The following LINGO2 variants were observed in gnomAD, a reference collection of about 807,000 sequenced individuals.
The protein encoded by LINGO2 is leucine-rich repeat and immunoglobulin-like domain-containing nogo receptor-interacting protein 2.
A neutral mutation model predicts 30.6 loss-of-function variants in LINGO2; 14 were observed. The ratio of observed to expected loss-of-function variants is 0.46; its 90% CI spans 0.30 to 0.72. LINGO2 has a LOEUF of 0.72. Ranked by LOEUF, LINGO2 falls within the 30% of genes least tolerant of loss-of-function variation. LINGO2 has a pLI of 0.07. For missense variants in LINGO2, 729 were observed against 751.7 expected (o/e 0.97, Z 0.35); for synonymous variants, 317 against 288.5 (o/e 1.10, Z -1.00).
chr9:28,254,509 G>A (rs575957260), intron 4 of LINGO2, among the ~76,000 whole-genome samples: 2 of 152,146 alleles, frequency 1.3e-5, no homozygotes, highest in South Asian at 2.1e-4. Context: ...CATATCTGGT[G>A]CAAAGAATAT....
chr9:28,553,234 A>G (rs1822411906), intron 1 of LINGO2, among the ~76,000 whole-genome samples: 1 of 152,106 alleles, frequency 6.6e-6, no homozygotes, highest in African/African-American at 2.4e-5. Context: ...AAAGACAAAG[A>G]AGTTGAAAAC....
intron 4 of LINGO2, among the ~76,000 whole-genome samples, chr9:28,077,113 A>G (rs952942864): frequency 6.6e-6 from 1 of 152,184 alleles, no homozygotes; most frequent in African/African-American, 2.4e-5. Flanking sequence ...TGACTCTAAA[A>G]CAAAAACATT....
the LINGO2 span, among the ~76,000 whole-genome samples, chr9:28,916,712 A>C: frequency 6.6e-6 from 1 of 152,214 alleles, no homozygotes; most frequent in Non-Finnish European, 1.5e-5. Context: ...CCACCTTGGG[A>C]ACATGTTCTC....
At chr9:28,047,916 T>C (rs1211062979) in intron 4 of LINGO2, among the ~76,000 whole-genome samples, 1 of 150,874 alleles carries the variant, frequency 6.6e-6, no homozygotes, top group Non-Finnish European at 1.5e-5. Flanking sequence ...ACAGATTTAG[T>C]GCAACTTCAA....
the LINGO2 span, among the ~76,000 whole-genome samples, chr9:28,740,246 C>T: frequency 6.6e-6 from 1 of 151,478 alleles, no homozygotes; most frequent in Non-Finnish European, 1.5e-5. Flanking sequence ...GAACAGTATT[C>T]TATAGATATC....
intron 1 of LINGO2, among the ~76,000 whole-genome samples, chr9:28,572,692 T>G (rs935592645): frequency 6.6e-6 from 1 of 152,104 alleles, no homozygotes; most frequent in Non-Finnish European, 1.5e-5. Context: ...GATTCATTCA[T>G]CCTTTTATGT....
At chr9:28,479,848 T>C (rs117504834) in intron 1 of LINGO2, among the ~76,000 whole-genome samples, 47 of 45,426 alleles carry the variant, frequency 1.0e-3, no homozygotes, top group African/African-American at 2.7e-3. Flanking sequence ...ATGTCATCTG[T>C]GTGTGTGTGT....
intron 1 of LINGO2, among the ~76,000 whole-genome samples, chr9:28,565,548 T>A: frequency 6.7e-6 from 1 of 150,194 alleles, no homozygotes; most frequent in Admixed American, 6.6e-5. Flanking sequence ...AGGAGAGATC[T>A]AGGCAAAAGA....
the LINGO2 span, among the ~76,000 whole-genome samples, chr9:28,828,413 A>T: frequency 6.6e-6 from 1 of 152,196 alleles, no homozygotes; most frequent in African/African-American, 2.4e-5. Flanking sequence ...AAACTGGTTT[A>T]AAAATAGTGA....
At chr9:28,847,065 A>C in the LINGO2 span, among the ~76,000 whole-genome samples, 1 of 147,996 alleles carries the variant, frequency 6.8e-6, no homozygotes, top group African/African-American at 2.5e-5. Context: ...TAGCCCCAAC[A>C]AGCTACATGG....
chr9:28,345,193 C>G (rs1427575412), intron 3 of LINGO2, among the ~76,000 whole-genome samples: 2 of 152,192 alleles, frequency 1.3e-5, no homozygotes, highest in South Asian at 4.1e-4. Flanking sequence ...TAGCACCCAA[C>G]AGGGACACAC....
rs1355565385 is a variant in LINGO2, at chr9:27,949,840, GGT to G, written c.830_831del (p.His277ProfsTer2). ...CTGATGGGATTGTAGGAGAGGTTAA[GGT>G]GAGTCAGGTATACCAGGTGTTTAAA... On this transcript the variant is annotated frameshift_variant, in exon 6 of 6. Coordinates refer to ENST00000379992, the Ensembl canonical transcript of LINGO2. LOFTEE classifies it high-confidence loss of function. The G allele has an allele frequency of 6.2e-7, 1 of 1,614,068 alleles. No individual in the cohort carries two copies.
At chr9:28,417,218 T>C (rs1652537050) in intron 2 of LINGO2, among the ~76,000 whole-genome samples, 1 of 152,178 alleles carries the variant, frequency 6.6e-6, no homozygotes, top group South Asian at 2.1e-4. Context: ...GGACATGAAA[T>C]GGGCAGGGAG....
chr9:28,762,413 G>C, the LINGO2 span, among the ~76,000 whole-genome samples: 62 of 152,038 alleles, frequency 4.1e-4, 1 homozygote, highest in Non-Finnish European at 7.5e-4. Flanking sequence ...AACTGTTTTT[G>C]TTTATCTCTG....
intron 1 of LINGO2, among the ~76,000 whole-genome samples, chr9:28,491,482 C>T (rs1365009524): frequency 6.6e-6 from 1 of 152,206 alleles, no homozygotes; most frequent in African/African-American, 2.4e-5. Flanking sequence ...AGGTTCCAAG[C>T]AGCAGGATAC....
the LINGO2 span, among the ~76,000 whole-genome samples, chr9:28,799,582 G>A: frequency 1.3e-5 from 2 of 152,140 alleles, no homozygotes; most frequent in African/African-American, 4.8e-5. Flanking sequence ...AATCAGGTAG[G>A]GAGTTGTGCT....
chr9:28,348,175 C>A (rs1819668530), intron 3 of LINGO2, among the ~76,000 whole-genome samples: 2 of 152,134 alleles, frequency 1.3e-5, no homozygotes. Context: ...CAGCTCCAGT[C>A]TACAGCTCCC....
At chr9:28,877,672 A>C in the LINGO2 span, among the ~76,000 whole-genome samples, 1 of 152,066 alleles carries the variant, frequency 6.6e-6, no homozygotes, top group Non-Finnish European at 1.5e-5. Flanking sequence ...GTGTAGTTTG[A>C]AGTCAGGTAG....
chr9:29,079,096 C>T, the LINGO2 span, among the ~76,000 whole-genome samples: 1 of 151,658 alleles, frequency 6.6e-6, no homozygotes, highest in Admixed American at 6.6e-5. Flanking sequence ...TACATGATTC[C>T]GTCTTGTTCC....
Sources: gnomAD v4.1 joint callset for allele counts (sites outside exome capture counted in the v4.1 genomes callset) on GRCh38, gnomAD v4.1.1 for gene constraint, MANE v1.5 for transcripts, NCBI Gene and HGNC (gene_info 2026-07-23, HGNC 2026-07-21) for gene names.